NYAP2: variants seen among roughly 807,000 people sequenced by gnomAD.
NYAP2 encodes the protein neuronal tyrosine-phosphorylated phosphoinositide-3-kinase adaptor 2.
Under a neutral mutation model 50.4 loss-of-function variants are expected in NYAP2, and 23 were observed. That is an observed-to-expected ratio of 0.46 (90% CI 0.33 to 0.65). The LOEUF (loss-of-function observed/expected upper bound fraction) is 0.65, where lower values mean the gene tolerates loss of function less well. Among genes scored for constraint, NYAP2 ranks in the 30% least tolerant of loss-of-function variants. NYAP2 has a pLI of 0.02. For synonymous variants in NYAP2, 394 were observed against 365.2 expected (o/e 1.08, Z -0.90); for missense variants, 885 against 861.0 (o/e 1.03, Z -0.35).
At chr2:225,488,612 G>T (rs572038215) in intron 3 of NYAP2, among the ~76,000 whole-genome samples, 39 of 152,270 alleles carry the variant, frequency 2.6e-4, no homozygotes, top group Middle Eastern at 3.4e-3. Flanking sequence ...AGCCTCAAAT[G>T]ATCGCCCACC....
intron 2 of NYAP2, among the ~76,000 whole-genome samples, chr2:225,401,521 A>T (rs73994738): frequency 0.016 from 2,439 of 152,116 alleles, 69 homozygotes; most frequent in African/African-American, 0.056. Flanking sequence ...CAAACAGCAA[A>T]GCCGACACTG....
rs548622254 is a variant in NYAP2, at chr2:225,445,525, AT to A, written c.221+36426del. Among the ~76,000 whole-genome samples, 415 of 152,254 alleles carry A rather than the reference AT, an allele frequency of 2.7e-3. 3 individuals are homozygous for A. The highest frequency in any genetic ancestry group is 9.3e-3 in the African/African-American group (388 of 41,584). ...GGAAAAGGCAAGTGCTTCTCTCTTA[AT>A]TGACCACTTTTTATACTAGATATAC... is the stretch of plus-strand genomic sequence containing the variant. On this transcript the variant is annotated intron_variant, in intron 3 of 6. Transcript: ENST00000636099.
the NYAP2 span, among the ~76,000 whole-genome samples, chr2:225,686,425 G>A: frequency 6.6e-6 from 1 of 152,132 alleles, no homozygotes; most frequent in African/African-American, 2.4e-5. Context: ...TTTCTCCCTG[G>A]CTTTTTCTCC....
chr2:225,470,888 C>A (rs937493819), intron 3 of NYAP2, among the ~76,000 whole-genome samples: 1 of 152,066 alleles, frequency 6.6e-6, no homozygotes, highest in Admixed American at 6.6e-5. Context: ...TGAGCTCAAG[C>A]AGTCCTCCTA....
At chr2:225,499,254 GT>G (rs1690558444) in intron 3 of NYAP2, among the ~76,000 whole-genome samples, 1 of 151,854 alleles carries the variant, frequency 6.6e-6, no homozygotes, top group South Asian at 2.1e-4. Flanking sequence ...GGCTCTAAAG[GT>G]ATTGAGAAGA....
chr2:225,620,168 A>C (rs960658076), intron 5 of NYAP2, among the ~76,000 whole-genome samples: 5 of 152,262 alleles, frequency 3.3e-5, no homozygotes, highest in African/African-American at 1.2e-4. Flanking sequence ...ACATTGAGAT[A>C]TATGGATATG....
At chr2:225,429,807 G>T (rs1375644951) in intron 3 of NYAP2, among the ~76,000 whole-genome samples, 1 of 152,130 alleles carries the variant, frequency 6.6e-6, no homozygotes, top group African/African-American at 2.4e-5. Context: ...GAATTCTGGT[G>T]CATCTATGAT....
chr2:225,484,896 GGCTTCACCCCAGT>G, intron 3 of NYAP2, among the ~76,000 whole-genome samples: 1 of 152,226 alleles, frequency 6.6e-6, no homozygotes, highest in Non-Finnish European at 1.5e-5. Context: ...TGAAAACTTG[GGCTTCACCCCAGT>G]GCTATTGAAT....
chr2:225,566,061 T>G (rs1691955098), intron 4 of NYAP2, among the ~76,000 whole-genome samples: 1 of 152,198 alleles, frequency 6.6e-6, no homozygotes, highest in Admixed American at 6.5e-5. Flanking sequence ...ATAACTATAT[T>G]TTAATGTCTG....
chr2:225,436,339 G>C (rs1328165674), intron 3 of NYAP2, among the ~76,000 whole-genome samples: 1 of 152,184 alleles, frequency 6.6e-6, no homozygotes, highest in Non-Finnish European at 1.5e-5. Flanking sequence ...TATTGGCATT[G>C]TTTGTCCCTG....
intron 3 of NYAP2, among the ~76,000 whole-genome samples, chr2:225,466,889 C>T (rs1233836435): frequency 1.3e-5 from 2 of 152,012 alleles, no homozygotes; most frequent in Non-Finnish European, 2.9e-5. Context: ...AAGGAGAGGC[C>T]GAGGCAAGTT....
intron 6 of NYAP2, among the ~76,000 whole-genome samples, chr2:225,642,316 A>G (rs1693547284): frequency 6.6e-6 from 1 of 152,126 alleles, no homozygotes; most frequent in Admixed American, 6.6e-5. Context: ...AAAAAATCAG[A>G]TTGACCCCCA....
chr2:225,418,692 A>G (rs951295930), intron 3 of NYAP2, among the ~76,000 whole-genome samples: 10 of 152,190 alleles, frequency 6.6e-5, no homozygotes, highest in African/African-American at 2.4e-4. Flanking sequence ...ATTTGTTGAT[A>G]TTTGTAAGAA....
exon 7 of NYAP2, chr2:225,651,716 G>A: frequency 1.3e-6 from 1 of 780,052 alleles, no homozygotes; most frequent in Non-Finnish European, 2.0e-6. Context: ...ATTTGAAAAA[G>A]AATATCTTTC....
At chr2:225,677,222 T>G in the NYAP2 span, among the ~76,000 whole-genome samples, 2 of 152,178 alleles carry the variant, frequency 1.3e-5, no homozygotes, top group African/African-American at 4.8e-5. Flanking sequence ...AGAATATTAT[T>G]GGTGTATAAA....
chr2:225,649,229 T>G (rs1693690215), intron 6 of NYAP2, among the ~76,000 whole-genome samples: 1 of 152,236 alleles, frequency 6.6e-6, no homozygotes, highest in South Asian at 2.1e-4. Context: ...AGCTCAACTC[T>G]TCTCCACTAA....
At chr2:225,611,093 C>A (rs180828827) in intron 5 of NYAP2, among the ~76,000 whole-genome samples, 9 of 152,154 alleles carry the variant, frequency 5.9e-5, no homozygotes, top group Admixed American at 5.9e-4. Context: ...GGGCAGGAAG[C>A]AAATTTTGAA....
chr2:225,418,525 T>A (rs914152825), intron 3 of NYAP2, among the ~76,000 whole-genome samples: 1 of 152,086 alleles, frequency 6.6e-6, no homozygotes, highest in African/African-American at 2.4e-5. Flanking sequence ...GAAGGTAGAA[T>A]TGACAGAATT....
intron 3 of NYAP2, among the ~76,000 whole-genome samples, chr2:225,483,111 A>G (rs889389588): frequency 1.3e-5 from 2 of 152,188 alleles, no homozygotes; most frequent in Non-Finnish European, 2.9e-5. Flanking sequence ...AAATTGTTTA[A>G]AAAATTAACT....
Sources: gnomAD v4.1 joint callset for allele counts (sites outside exome capture counted in the v4.1 genomes callset) on GRCh38, gnomAD v4.1.1 for gene constraint, MANE v1.5 for transcripts, NCBI Gene and HGNC (gene_info 2026-07-23, HGNC 2026-07-21) for gene names.